Variants in BRSK2 observed in about 807,000 individuals in gnomAD.
BRSK2 encodes the protein BR serine/threonine kinase 2.
Under a neutral mutation model 83.3 loss-of-function variants are expected in BRSK2, and 19 were observed. The observed-to-expected ratio is 0.23, with a 90% CI of 0.16 to 0.33. The LOEUF (loss-of-function observed/expected upper bound fraction) is 0.33, where lower values mean the gene tolerates loss of function less well. Among genes scored for constraint, BRSK2 ranks in the 10% least tolerant of loss-of-function variants. BRSK2 has a pLI of 1.00. For synonymous variants in BRSK2, 519 were observed against 435.4 expected (o/e 1.19, Z -2.39); for missense variants, 798 against 1,042.3 (o/e 0.77, Z 3.23).
intron 1 of BRSK2, among the ~76,000 whole-genome samples, chr11:1,403,021 T>C (rs1011780510): frequency 6.6e-6 from 1 of 152,154 alleles, no homozygotes; most frequent in Admixed American, 6.5e-5. Flanking sequence ...ATGGCGTGGG[T>C]GGGAGGACGG....
At chr11:1,416,314 G>A (rs1848093837) in intron 1 of BRSK2, among the ~76,000 whole-genome samples, 2 of 152,184 alleles carry the variant, frequency 1.3e-5, no homozygotes, top group Admixed American at 6.5e-5. Flanking sequence ...ACAGCCCGTG[G>A]ACTGCAGCAT....
At chr11:1,437,654 A>G (rs1480659516) in intron 2 of BRSK2, among the ~76,000 whole-genome samples, 1 of 152,098 alleles carries the variant, frequency 6.6e-6, no homozygotes, top group African/African-American at 2.4e-5. Context: ...CACACACAAC[A>G]GGATGCCTGC....
chr11:1,424,742 G>C (rs1156376210), intron 1 of BRSK2, among the ~76,000 whole-genome samples: 1 of 151,996 alleles, frequency 6.6e-6, no homozygotes, highest in East Asian at 1.9e-4. Flanking sequence ...GGAGTCGGGG[G>C]GGCCAGGCAG....
intron 1 of BRSK2, among the ~76,000 whole-genome samples, chr11:1,421,736 T>G (rs1043029260): frequency 6.6e-6 from 1 of 151,456 alleles, no homozygotes; most frequent in African/African-American, 2.4e-5. Flanking sequence ...TGGGGGTGCA[T>G]AGAGCCTGGG....
rs1225812588 is a variant in BRSK2, at chr11:1,390,558, C to T, written c.91+183C>T. ...CGCCCCGGTTCCGCCGCGGATCCCG[C>T]AGGCCGCTTGGCTGCGGTCGGCCGG... On this transcript the variant is annotated intron_variant, in intron 1 of 19. Transcript: ENST00000528841. The surrounding 1 kb of genome is among the most constrained non-coding windows in gnomAD (Gnocchi z 6.8). 1.4e-5 allele frequency among the ~76,000 whole-genome samples: 2 copies of T among 146,158 alleles called. No individual in the cohort carries two copies. The highest frequency in any genetic ancestry group is 3.0e-5 in the Non-Finnish European group (2 of 65,810).
chr11:1,456,566 C>A (rs111542693), intron 17 of BRSK2, 32 bp from the exon 18 acceptor site: 1 of 1,606,382 alleles, frequency 6.2e-7, no homozygotes, highest in Non-Finnish European at 8.5e-7. Context: ...GGGCCCAGGC[C>A]CGTCCAGGGC....
chr11:1,411,036 A>G (rs1232231046), intron 1 of BRSK2: 1 of 1,050,896 alleles, frequency 9.5e-7, no homozygotes, highest in African/African-American at 1.7e-5. Context: ...TTCTGCTCCC[A>G]TCACCATGGC....
chr11:1,390,325 A>G lies in BRSK2; in HGVS notation c.41A>G (p.Gln14Arg). The change falls in exon 1 of 20, where the codon CAG becomes CGG. Residue 14 changes from glutamine to arginine, a missense_variant. By Grantham distance (43) the Gln-to-Arg change is conservative. Around this residue, in one of 6 missense-constraint regions of BRSK2, gnomAD observed 33 missense variants for 30.8 expected, o/e 1.07. Transcript: ENST00000528841. The surrounding 1 kb of genome is among the most constrained non-coding windows in gnomAD (Gnocchi z 6.8). The part of the protein sequence containing the change: ...TGKDGGAQHA[Q>R]YVGPYRLEKT... ...AAGGACGGCGGCGCGCAGCACGCGC[A>G]GTATGTTGGGCCCTACCGGCTGGAG... is the stretch of plus-strand genomic sequence containing the variant. 9.6e-7 allele frequency: 1 copy of G among 1,046,944 alleles called. No homozygotes were observed. The allele number at this position is 1,046,944 out of a possible 1,614,324, so 64.9% of individuals were successfully genotyped here.
intron 1 of BRSK2, among the ~76,000 whole-genome samples, chr11:1,414,816 G>A (rs978276030): frequency 6.6e-6 from 1 of 152,186 alleles, no homozygotes; most frequent in African/African-American, 2.4e-5. Context: ...GTCCCATGCT[G>A]TGCGTCCGTC....
At position 1,461,052 on chromosome 11, in the gene BRSK2, T is replaced by G. The variant is rs1241056284; in HGVS notation, c.*329T>G. 9 of 1,602,488 alleles carry G rather than the reference T, an allele frequency of 5.6e-6. No homozygotes were observed. The highest frequency in any genetic ancestry group is 8.5e-7 in the Non-Finnish European group (1 of 1,173,900). On this transcript the variant is annotated 3_prime_UTR_variant, in exon 20 of 20. Coordinates refer to ENST00000528841, the MANE Select transcript of BRSK2 (RefSeq NM_001256627.2). ...GCAGCTGCTGCGGACCCGCCCTCCCTCCGCTCCTGCTGTTGCTGCCGGGCA... is the reference window on the plus strand; with the variant it reads ...GCAGCTGCTGCGGACCCGCCCTCCCGCCGCTCCTGCTGTTGCTGCCGGGCA...
chr11:1,439,083 G>A (rs914148904), intron 3 of BRSK2, among the ~76,000 whole-genome samples: 2 of 152,166 alleles, frequency 1.3e-5, no homozygotes, highest in African/African-American at 2.4e-5. Context: ...TCTGACCCTC[G>A]CTGGTCCCAG....
intron 1 of BRSK2, chr11:1,411,642 C>G (rs1361928459): frequency 1.9e-6 from 3 of 1,539,320 alleles, no homozygotes; most frequent in Non-Finnish European, 2.6e-6. Context: ...AGGTGCGTGC[C>G]ACGCTCCCTG....
At chr11:1,405,361 T>TGC (rs1206587516) in intron 1 of BRSK2, among the ~76,000 whole-genome samples, 1 of 152,118 alleles carries the variant, frequency 6.6e-6, no homozygotes, top group East Asian at 1.9e-4. Flanking sequence ...GGTGTGTGTG[T>TGC]GCGTGCCCAC....
At position 1,445,751 on chromosome 11, in the gene BRSK2, A is replaced by G. The variant is rs1851966091; in HGVS notation, c.1076-6A>G. 1 of 1,611,654 alleles carries G rather than the reference A, an allele frequency of 6.2e-7. No homozygotes were observed. Among genetic ancestry groups the G allele is most frequent in the Non-Finnish European group, 8.5e-7 (1 of 1,179,158 alleles). ...GCTGTCTGGCCTGACCTTCGTCTGT[A>G]CTCAGACCCTCCCCGGAAGCGTGTG... On this transcript the variant is annotated splice_region_variant and splice_polypyrimidine_tract_variant and intron_variant, in intron 11 of 19. Transcript: ENST00000528841.
chr11:1,400,891 C>T (rs976060492), intron 1 of BRSK2, among the ~76,000 whole-genome samples: 5 of 152,346 alleles, frequency 3.3e-5, no homozygotes, highest in East Asian at 1.9e-4. Flanking sequence ...GACCCTGTGG[C>T]GTCTGCTCCT....
chr11:1,440,637 C>A, intron 3 of BRSK2, 151 bp from the exon 4 acceptor site: 1 of 854,458 alleles, frequency 1.2e-6, no homozygotes, highest in Non-Finnish European at 1.6e-6. Context: ...CCACCATAGT[C>A]AGGGCTCCTC....
At chr11:1,458,535 G>T (rs1397587092) in intron 18 of BRSK2, among the ~76,000 whole-genome samples, 1 of 152,186 alleles carries the variant, frequency 6.6e-6, no homozygotes, top group East Asian at 1.9e-4. Context: ...AGCCAGCAGG[G>T]GGCCTCCTCA....
At chr11:1,428,859 T>C (rs1849555390) in intron 1 of BRSK2, among the ~76,000 whole-genome samples, 1 of 150,864 alleles carries the variant, frequency 6.6e-6, no homozygotes, top group African/African-American at 2.5e-5. Context: ...GCGTGCGTAC[T>C]GTGTGTGCAT....
chr11:1,437,230 T>A (rs1850437358), intron 2 of BRSK2, among the ~76,000 whole-genome samples: 1 of 152,140 alleles, frequency 6.6e-6, no homozygotes, highest in Admixed American at 6.5e-5. Context: ...GGTGTCCCTG[T>A]CACCTGCAGG....
Sources: gnomAD v4.1 joint callset for allele counts (sites outside exome capture counted in the v4.1 genomes callset) on GRCh38, gnomAD v4.1.1 for gene constraint, gnomAD v4.1.1 regional missense constraint, Gnocchi (gnomAD v3.1) non-coding constraint, MANE v1.5 for transcripts, NCBI Gene and HGNC (gene_info 2026-07-23, HGNC 2026-07-21) for gene names.